Variants in LDHA observed in about 807,000 individuals in gnomAD.
The protein encoded by LDHA is lactate dehydrogenase A.
LDHA carries 10 observed loss-of-function variants against 36.3 expected under a neutral mutation model. The ratio of observed to expected loss-of-function variants is 0.28; its 90% confidence interval spans 0.17 to 0.47. The LOEUF (loss-of-function observed/expected upper bound fraction) is 0.47, where lower values mean the gene tolerates loss of function less well. LDHA is among the 20% of genes least tolerant of loss of function. The probability of loss-of-function intolerance (pLI) is 0.99; values close to 1 mark genes in which losing one functional copy is unlikely to be tolerated. For synonymous variants in LDHA, 110 were observed against 136.7 expected (o/e 0.80, Z 1.36); for missense variants, 267 against 405.8 (o/e 0.66, Z 2.94).
intron 2 of LDHA, 138 bp from the exon 3 acceptor site, chr11:18,399,293 C>G (rs1866399852): frequency 5.8e-6 from 4 of 687,294 alleles, no homozygotes; most frequent in Non-Finnish European, 1.0e-5. Context: ...ATGGGGTGCC[C>G]TCTACTTTGA....
chr11:18,399,738 G>T, intron 3 of LDHA, 190 bp downstream of exon 3: 1 of 601,642 alleles, frequency 1.7e-6, no homozygotes, highest in Non-Finnish European at 3.0e-6. Context: ...TGGGACTATA[G>T]GGTATGCTAC....
chr11:18,400,788 A>T, intron 3 of LDHA, 49 bp from the exon 4 acceptor site: 1 of 1,518,738 alleles, frequency 6.6e-7, no homozygotes, highest in Non-Finnish European at 9.1e-7. Flanking sequence ...TGCCTAGGTA[A>T]AATTTATTCT....
chr11:18,408,267 G>A lies in LDHA; in HGVS notation c.*986G>A, dbSNP rs1294493821. On this transcript the variant is annotated 3_prime_UTR_variant, in exon 8 of 8. Transcript: ENST00000422447. ...CCAGCACTTTGGGAAGCCCAGGTGG[G>A]CTGATCACTGGAGGCCAGGAATTGG... 2 of 450,676 alleles carry A rather than the reference G, an allele frequency of 4.4e-6. No homozygotes were observed. Among genetic ancestry groups the A allele is most frequent in the Non-Finnish European group, 8.9e-6 (2 of 225,378 alleles). The allele number at this position is 450,676 out of a possible 1,614,324, so 27.9% of individuals were successfully genotyped here.
In LDHA at chr11:18,407,211, C is replaced by G; in HGVS notation, c.929C>G (p.Ser310Cys). Residue 310 changes from serine to cysteine, a missense_variant, in exon 8 of 8, where the codon TCT (serine) becomes TGT (cysteine). Ser to Cys is a moderately radical substitution (Grantham distance 112). Transcript: ENST00000422447. Reference protein sequence around the residue: ...ISDLVKVTLTSEEEARLKKSA... With the variant: ...ISDLVKVTLTCEEEARLKKSA... ...GACCTTGTGAAGGTGACTCTGACTT[C>G]TGAGGAAGAGGCCCGTTTGAAGAAG... 1 of 1,613,506 alleles carries G rather than the reference C, an allele frequency of 6.2e-7. No homozygotes were observed. Among genetic ancestry groups the G allele is most frequent in the Non-Finnish European group, 8.5e-7 (1 of 1,179,870 alleles).
chr11:18,402,263 G>T (rs1866535760), intron 4 of LDHA, among the ~76,000 whole-genome samples: 1 of 150,594 alleles, frequency 6.6e-6, no homozygotes, highest in Non-Finnish European at 1.5e-5. Context: ...GCCCATAATT[G>T]TCTCTTAGTT....
chr11:18,403,906 T>A, intron 6 of LDHA, 95 bp downstream of exon 6: 2 of 808,762 alleles, frequency 2.5e-6, no homozygotes, highest in Non-Finnish European at 4.2e-6. Flanking sequence ...TTTGAGAACT[T>A]TTTGTTAGAA....
Position 18,407,632 on chromosome 11 carries a change from C to T in LDHA, c.*351C>T, listed in dbSNP as rs201101330. Reference sequence around the variant, plus strand: ...TTCCTGGCTCCTTCACTGAACATGCCTAGTCCAACATTTTTTCCCAGTGAG... The same window carrying T: ...TTCCTGGCTCCTTCACTGAACATGCTTAGTCCAACATTTTTTCCCAGTGAG... On this transcript the variant is annotated 3_prime_UTR_variant, in exon 8 of 8. Coordinates refer to ENST00000422447, the MANE Select transcript of LDHA (RefSeq NM_005566.4). 1.6e-6 allele frequency: 1 copy of T among 613,922 alleles called. No homozygotes were observed. Among genetic ancestry groups the T allele is most frequent in the South Asian group, 1.5e-5 (1 of 65,714 alleles). The allele number at this position is 613,922 out of a possible 1,614,324, so 38.0% of individuals were successfully genotyped here. A position where few individuals can be genotyped will look rare whatever the true frequency, so the allele number is the denominator to read the frequency against.
chr11:18,397,729 T>G (rs1866349525), intron 2 of LDHA, among the ~76,000 whole-genome samples: 1 of 152,018 alleles, frequency 6.6e-6, no homozygotes, highest in Non-Finnish European at 1.5e-5. Context: ...GAGAATTGCT[T>G]GAACCCAGGA....
At position 18,408,038 on chromosome 11, in the gene LDHA, A is replaced by T; in HGVS notation, c.*757A>T. The T allele has an allele frequency of 2.2e-6, 1 of 454,042 alleles. No individual in the cohort carries two copies. Among genetic ancestry groups the T allele is most frequent in the South Asian group, 1.6e-5 (1 of 64,470 alleles). 28.1% of individuals were successfully genotyped at this position (454,042 alleles called of 1,614,324 possible). A position where few individuals can be genotyped will look rare whatever the true frequency, so the allele number is the denominator to read the frequency against. On this transcript the variant is annotated 3_prime_UTR_variant, in exon 8 of 8. Coordinates refer to ENST00000422447, the MANE Select transcript of LDHA (RefSeq NM_005566.4). ...GGTACCACTTCCATTGTAAGTCCCA[A>T]AGTATTATATATTTGATAATAATGC...
chr11:18,399,580 T>C lies in LDHA; in HGVS notation c.244+32T>C, dbSNP rs1239757049. On this transcript the variant is annotated intron_variant, in intron 3 of 7. Transcript: ENST00000422447. ...TTCAACAAGTTTATATTATAATCCA[T>C]GCTTGACTTAAATTCTTTTTCCAGA... The C allele has an allele frequency of 2.1e-6, 3 of 1,443,298 alleles. No individual in the cohort carries two copies. The Admixed American group carries it at 5.0e-5, about 24-fold the overall frequency. 89.4% of individuals were successfully genotyped at this position (1,443,298 alleles called of 1,614,324 possible).
chr11:18,400,987 A>G lies in LDHA; in HGVS notation c.395A>G (p.Lys132Arg), dbSNP rs1866466811. ...GTTGTAAAATACAGCCCGAACTGCA[A>G]GTTGCTTATTGTTTCAAATCCAGGT... ...PNVVKYSPNC[K>R]LLIVSNPVDI... is the part of the protein sequence containing the mutation. The change falls in exon 4 of 8, where the codon AAG (lysine) becomes AGG (arginine). Residue 132 changes from lysine to arginine, a missense_variant. Lys to Arg is a conservative substitution (Grantham distance 26, BLOSUM62 2). Coordinates refer to ENST00000422447, the MANE Select transcript of LDHA (RefSeq NM_005566.4). 6.2e-7 allele frequency: 1 copy of G among 1,613,356 alleles called. No individual in the cohort carries two copies. Among genetic ancestry groups the G allele is most frequent in the Non-Finnish European group, 8.5e-7 (1 of 1,179,630 alleles).
intron 2 of LDHA, chr11:18,397,248 G>T: frequency 3.7e-6 from 1 of 270,268 alleles, no homozygotes. Flanking sequence ...AAAAGGAAGG[G>T]TCCATGATTT....
chr11:18,407,066 G>A, intron 7 of LDHA, 51 bp from the exon 8 acceptor site: 1 of 1,406,966 alleles, frequency 7.1e-7, no homozygotes, highest in Non-Finnish European at 9.9e-7. Context: ...TGGGAAACCT[G>A]GGAATGCATA....
At chr11:18,404,807 C>CAAAAAGAAAAAA (rs1866623529) in intron 6 of LDHA, among the ~76,000 whole-genome samples, 1 of 125,590 alleles carries the variant, frequency 8.0e-6, no homozygotes, top group Non-Finnish European at 1.7e-5. Flanking sequence ...GACTCCGTCT[C>CAAAAAGAAAAAA]AAAAAAAAAA....
At chr11:18,397,009 C>T (rs1866328344) in intron 2 of LDHA, 41 bp downstream of exon 2, 2 of 1,586,800 alleles carry the variant, frequency 1.3e-6, no homozygotes, top group South Asian at 1.1e-5. Context: ...ATACCTTGAC[C>T]CCATCCTCTA....
At chr11:18,405,751 G>GC in intron 7 of LDHA, 179 bp downstream of exon 7, 1 of 646,314 alleles carries the variant, frequency 1.5e-6, no homozygotes, top group Admixed American at 2.5e-5. Context: ...TGTCCATTAG[G>GC]CCTGTTCAAC....
chr11:18,403,131 C>T (rs967276896), intron 5 of LDHA, 118 bp downstream of exon 5: 20 of 810,430 alleles, frequency 2.5e-5, no homozygotes, highest in African/African-American at 5.2e-5. Context: ...AATGGTTTCC[C>T]GAAATCTAGC....
chr11:18,399,070 A>G (rs892670123), intron 2 of LDHA: 1 of 276,612 alleles, frequency 3.6e-6, no homozygotes, highest in Non-Finnish European at 7.1e-6. Context: ...TAAATGAATA[A>G]CAACCTAAAA....
chr11:18,400,212 T>G (rs962756655), intron 3 of LDHA: 1 of 191,160 alleles, frequency 5.2e-6, no homozygotes, highest in Admixed American at 5.3e-5. Context: ...TACTCTTGGC[T>G]TGACCCTTTC....
Sources: gnomAD v4.1 joint callset for allele counts (sites outside exome capture counted in the v4.1 genomes callset) on GRCh38, gnomAD v4.1.1 for gene constraint, MANE v1.5 for transcripts, NCBI Gene and HGNC (gene_info 2026-07-23, HGNC 2026-07-21) for gene names.